The following SV2A variants were observed in gnomAD, a reference collection of about 807,000 sequenced individuals.
The protein encoded by SV2A is solute carrier family 22 member B1.
SV2A carries 25 observed loss-of-function variants against 78.0 expected under a neutral mutation model. The ratio of observed to expected loss-of-function variants is 0.32; its 90% CI spans 0.23 to 0.45. The LOEUF (loss-of-function observed/expected upper bound fraction) is 0.45, where lower values mean the gene tolerates loss of function less well. Among genes scored for constraint, SV2A ranks in the 20% least tolerant of loss-of-function variants. The probability of loss-of-function intolerance (pLI) is 1.00; values close to 1 mark genes in which losing one functional copy is unlikely to be tolerated. For synonymous variants in SV2A, 355 were observed against 384.7 expected, an observed-to-expected ratio of 0.92 and a Z score of 0.90; for missense variants, 752 against 971.5, an observed-to-expected ratio of 0.77 and a Z score of 3.00.
Position 149,914,050 on chromosome 1 carries a change from T to G in SV2A, c.-210A>C. The stretch of plus-strand genomic sequence containing the variant: ...AAGGAAGGAGAGGAGCTTTGACCTA[T>G]ACCCAGTTCAGTTGGGTGGATGGGG... On this transcript the variant is annotated 5_prime_UTR_variant, in exon 2 of 13. Coordinates refer to ENST00000369146, the MANE Select transcript of SV2A (RefSeq NM_014849.5). 1 of 646,328 alleles carries G rather than the reference T, an allele frequency of 1.5e-6. No homozygotes were observed. Among genetic ancestry groups the G allele is most frequent in the Non-Finnish European group, 2.4e-6 (1 of 409,582 alleles). The allele number at this position is 646,328 out of a possible 1,614,324, so 40.0% of individuals were successfully genotyped here. A position where few individuals can be genotyped will look rare whatever the true frequency, so the allele number is the denominator to read the frequency against.
In SV2A at chr1:149,914,085, G is replaced by T; in HGVS notation, c.-245C>A. 2.2e-6 allele frequency: 1 copy of T among 457,980 alleles called. No homozygotes were observed. The highest frequency in any genetic ancestry group is 3.8e-6 in the Non-Finnish European group (1 of 266,198). 28.4% of individuals were successfully genotyped at this position (457,980 alleles called of 1,614,324 possible). A position where few individuals can be genotyped will look rare whatever the true frequency, so the allele number is the denominator to read the frequency against. The stretch of plus-strand genomic sequence containing the variant: ...AGTTGGGTGGATGGGGAAGGGACAG[G>T]GGGAGCAGGGGAATGGGAAGGGGAA... On this transcript the variant is annotated 5_prime_UTR_variant, in exon 2 of 13. Transcript: ENST00000369146.
Position 149,910,539 on chromosome 1 carries a change from C to G in SV2A, c.1089+31G>C. The G allele has an allele frequency of 6.4e-7, 1 of 1,573,388 alleles. No homozygotes were observed. The highest frequency in any genetic ancestry group is 1.9e-5 in the Admixed American group (1 of 53,722). On this transcript the variant is annotated intron_variant, in intron 5 of 12. Coordinates refer to ENST00000369146, the MANE Select transcript of SV2A (RefSeq NM_014849.5). This position sits in a 1 kb window ranked among gnomAD's most constrained non-coding sequence, Gnocchi z 4.2. ...CGTCCACACTCCACAGCCCGCACCC[C>G]ACCCCACCCCATGCAGCTCAGCCCC...
chr1:149,913,498 C>G lies in SV2A; in HGVS notation c.343G>C (p.Asp115His), dbSNP rs371863053. 2 of 1,613,558 alleles carry G rather than the reference C, an allele frequency of 1.2e-6. No individual in the cohort carries two copies. The highest frequency in any genetic ancestry group is 1.7e-6 in the Non-Finnish European group (2 of 1,179,906). The change falls in exon 2 of 13, where the codon GAT (aspartate) becomes CAT (histidine). Residue 115 changes from aspartate to histidine, a missense_variant. By Grantham distance (81) the Asp-to-His change is moderately conservative. This residue lies in a region of SV2A where 291 missense variants were observed against 359.5 expected (regional missense o/e 0.81). Transcript: ENST00000369146. ...CTTACTCCAGCCAGGGGCGCCCCATCTGCCATCCGCTCGCCTTTGCCCCCA... is the reference window on the plus strand; with the variant it reads ...CTTACTCCAGCCAGGGGCGCCCCATGTGCCATCCGCTCGCCTTTGCCCCCA... ...ESGGKGERMA[D>H]GAPLAGVRGG...
intron 10 of SV2A, 95 bp downstream of exon 10, chr1:149,907,605 G>C (rs1157503593): frequency 6.9e-7 from 1 of 1,458,560 alleles, no homozygotes; most frequent in Non-Finnish European, 9.2e-7. Context: ...AGGGATCTCA[G>C]CTTGAGAACC....
rs782237621 is a variant in SV2A, at chr1:149,913,670, G to GTCA, written c.168_170dup (p.Asp57dup). ...AATAACCATCACTGGGAGCAGGGAA[G>GTCA]TCATCATCATCATCCTCCTCCTCAA... is the stretch of plus-strand genomic sequence containing the variant. On this transcript the variant is annotated inframe_insertion, in exon 2 of 13. Transcript: ENST00000369146. 1.1e-5 allele frequency: 17 copies of GTCA among 1,614,024 alleles called. No homozygotes were observed. Among genetic ancestry groups the GTCA allele is most frequent in the Non-Finnish European group, 1.3e-5 (15 of 1,180,032 alleles).
At chr1:149,912,002 G>C in intron 2 of SV2A, 22 bp from the exon 3 acceptor site, 1 of 1,608,618 alleles carries the variant, frequency 6.2e-7, no homozygotes, top group Non-Finnish European at 8.5e-7. Context: ...AGGAAAACAG[G>C]CAGAGGGGGT....
In SV2A at chr1:149,913,485, A is replaced by G; in HGVS notation, c.356T>C (p.Leu119Pro). 7.6e-7 allele frequency: 1 copy of G among 1,319,586 alleles called. No homozygotes were observed. The allele number at this position is 1,319,586 out of a possible 1,614,324, so 81.7% of individuals were successfully genotyped here. Residue 119 changes from leucine (L) to proline (P), a missense_variant, in exon 2 of 13, where the codon CTG (leucine) becomes CCG (proline). Leu to Pro is a moderately conservative substitution (Grantham distance 98, BLOSUM62 -3). Transcript: ENST00000369146. ...KGERMADGAPLAGVRGGLSDG... is the reference protein window; with the variant it reads ...KGERMADGAPPAGVRGGLSDG... ...ACTCAAGCCCCCCCTTACTCCAGCC[A>G]GGGGCGCCCCATCTGCCATCCGCTC... is the stretch of plus-strand genomic sequence containing the variant.
At position 149,908,139 on chromosome 1, in the gene SV2A, G is replaced by A. The variant is rs1003435524; in HGVS notation, c.1447C>T (p.Arg483Cys). ...RHLQAVDYASRTKVFPGERVE... is the reference protein window; with the variant it reads ...RHLQAVDYASCTKVFPGERVE... ...CGCTCCCCGGGGAACACTTTGGTGC[G>A]GGATGCGTAGTCCACTGCCTGGAGA... The change falls in exon 9 of 13, where the codon CGC (arginine) becomes TGC (cysteine). Residue 483 changes from arginine to cysteine, a missense_variant. Transcript: ENST00000369146. 14 of 1,614,134 alleles carry A rather than the reference G, an allele frequency of 8.7e-6. No homozygotes were observed. Among genetic ancestry groups the A allele is most frequent in the Non-Finnish European group, 1.1e-5 (13 of 1,180,036 alleles).
Position 149,905,974 on chromosome 1 carries a change from T to C in SV2A, c.1951A>G (p.Met651Val), listed in dbSNP as rs1451161070. The C allele has an allele frequency of 6.2e-7, 1 of 1,614,046 alleles. No individual in the cohort carries two copies. Among genetic ancestry groups the C allele is most frequent in the African/African-American group, 1.3e-5 (1 of 74,898 alleles). The change falls in exon 12 of 13, where the codon ATG (methionine) becomes GTG (valine). Residue 651 changes from methionine to valine, a missense_variant. Physicochemically the swap from Met to Val is conservative, Grantham distance 21. Coordinates refer to ENST00000369146, the MANE Select transcript of SV2A (RefSeq NM_014849.5). ...FLSFGNSESA[M>V]IALLCLFGGV... ...CCAAAAAGGCAGAGCAGAGCGATCA[T>C]GGCCGACTCACTGTTCCCAAAAGAC...
rs143564542 is a variant in SV2A, at chr1:149,905,122, G to T, written c.2121C>A (p.Phe707Leu). ...TGGGTGCAGCCTTGGTGATTCCCAC[G>T]AAGGATGTGAAGATGCTGATCCCCA... ...AVLGISIFTS[F>L]VGITKAAPIL... Residue 707 changes from phenylalanine to leucine, a missense_variant, in exon 13 of 13, where the codon TTC (phenylalanine) becomes TTA (leucine). Coordinates refer to ENST00000369146, the MANE Select transcript of SV2A (RefSeq NM_014849.5). The T allele has an allele frequency of 1.9e-6, 3 of 1,612,448 alleles. No individual in the cohort carries two copies. Among genetic ancestry groups the T allele is most frequent in the Non-Finnish European group, 2.5e-6 (3 of 1,179,410 alleles).
At chr1:149,906,185 T>G (rs1050933923) in intron 11 of SV2A, 146 bp from the exon 12 acceptor site, 8 of 843,548 alleles carry the variant, frequency 9.5e-6, no homozygotes, top group Non-Finnish European at 1.4e-5. Flanking sequence ...AAAGGAAGGC[T>G]TTTCACTCCT....
chr1:149,905,400 A>T (rs781972401), intron 12 of SV2A: 125 of 502,452 alleles, frequency 2.5e-4, no homozygotes, highest in Admixed American at 1.0e-3. Flanking sequence ...CCAAAAATTG[A>T]GGTTAACAGT....
Position 149,914,119 on chromosome 1 carries a change from A to C in SV2A, c.-279T>G, listed in dbSNP as rs2092497336. 1 of 372,702 alleles carries C rather than the reference A, an allele frequency of 2.7e-6. No individual in the cohort carries two copies. The highest frequency in any genetic ancestry group is 4.8e-6 in the Non-Finnish European group (1 of 207,580). 23.1% of individuals were successfully genotyped at this position (372,702 alleles called of 1,614,324 possible). A position where few individuals can be genotyped will look rare whatever the true frequency, so the allele number is the denominator to read the frequency against. On this transcript the variant is annotated 5_prime_UTR_variant, in exon 2 of 13. Transcript: ENST00000369146. The stretch of plus-strand genomic sequence containing the variant: ...GGGAATGGGAAGGGGAAGGGGAGCC[A>C]GATTGGGAGGCTAAGCCAGGATAAC...
At chr1:149,906,582 A>T in intron 11 of SV2A, 68 bp downstream of exon 11, 1 of 1,529,716 alleles carries the variant, frequency 6.5e-7, no homozygotes, top group African/African-American at 1.4e-5. Flanking sequence ...CAAGGTGAGA[A>T]GCCTGTTGAC....
intron 3 of SV2A, 95 bp downstream of exon 3, chr1:149,911,705 C>T: frequency 4.8e-6 from 6 of 1,252,762 alleles, no homozygotes; most frequent in South Asian, 2.9e-5. Flanking sequence ...ATTTAAGGTG[C>T]ATTTGGTGTG....
intron 8 of SV2A, among the ~76,000 whole-genome samples, chr1:149,908,909 G>A (rs961006052): frequency 3.3e-5 from 5 of 151,984 alleles, no homozygotes; most frequent in African/African-American, 4.8e-5. Flanking sequence ...CTGGGATTAC[G>A]AGCCTCATCG....
chr1:149,905,213 C>T lies in SV2A; in HGVS notation c.2046-16G>A. 1.9e-6 allele frequency: 3 copies of T among 1,599,308 alleles called. No individual in the cohort carries two copies. The highest frequency in any genetic ancestry group is 2.6e-6 in the Non-Finnish European group (3 of 1,172,988). ...AGCTGTGGTCCTGCTCAGGAGTCCCCCAGTGCAGCACGGCGCAAGGTACAG... is the reference window on the plus strand; with the variant it reads ...AGCTGTGGTCCTGCTCAGGAGTCCCTCAGTGCAGCACGGCGCAAGGTACAG... On this transcript the variant is annotated splice_polypyrimidine_tract_variant and intron_variant, in intron 12 of 12. Coordinates refer to ENST00000369146, the MANE Select transcript of SV2A (RefSeq NM_014849.5).
rs2092435626 is a variant in SV2A, at chr1:149,906,026, C to A, written c.1899G>T (p.Val633=). ...GGAAGAAGCAGGAGACACAGGACAT[C>A]ACGCTGGAGCCAGCTGGAGCCAGGA... ...GRLRMLAGSS[V]MSCVSCFFLS... The change falls in exon 12 of 13, where the codon GTG becomes GTT. Residue 633 remains valine, a synonymous_variant. Transcript: ENST00000369146. 2 of 1,614,044 alleles carry A rather than the reference C, an allele frequency of 1.2e-6. No individual in the cohort carries two copies. The highest frequency in any genetic ancestry group is 2.2e-5 in the South Asian group (2 of 91,078).
intron 9 of SV2A, 33 bp from the exon 10 acceptor site, chr1:149,907,866 C>T (rs1163524541): frequency 1.7e-5 from 28 of 1,607,350 alleles, no homozygotes; most frequent in Non-Finnish European, 2.2e-5. Flanking sequence ...GACACTCCCC[C>T]GTCATCCTCA....
Sources: allele counts gnomAD v4.1 joint callset (sites outside exome capture counted in the v4.1 genomes callset), GRCh38; gene constraint gnomAD v4.1.1; regional missense constraint gnomAD v4.1.1; non-coding constraint Gnocchi (gnomAD v3.1); transcripts MANE v1.5; gene names NCBI Gene and HGNC (gene_info 2026-07-23, HGNC 2026-07-21).